The following PLCB4 variants were observed in gnomAD, a reference collection of about 807,000 sequenced individuals.
PLCB4 encodes 1-phosphatidylinositol 4,5-bisphosphate phosphodiesterase beta-4.
A neutral mutation model predicts 178.8 loss-of-function variants in PLCB4; 77 were observed. The ratio of observed to expected loss-of-function variants is 0.43; its 90% CI spans 0.36 to 0.52. The LOEUF is 0.52. PLCB4 is among the 20% of genes least tolerant of loss of function. The pLI, the probability that PLCB4 is intolerant of heterozygous loss-of-function variation, is 0.00. For missense variants in PLCB4, 1,024 were observed against 1,453.4 expected (o/e 0.70, Z 4.80); for synonymous variants, 496 against 490.8 (o/e 1.01, Z -0.14).
At chr20:9,432,960 T>C (rs2041527980) in intron 28 of PLCB4, among the ~76,000 whole-genome samples, 1 of 152,226 alleles carries the variant, frequency 6.6e-6, no homozygotes, top group Non-Finnish European at 1.5e-5. Flanking sequence ...AAAAGTAATG[T>C]TGGGAGCCAA....
intron 2 of PLCB4, among the ~76,000 whole-genome samples, chr20:9,140,982 T>C (rs957675978): frequency 2.0e-5 from 3 of 152,072 alleles, no homozygotes; most frequent in South Asian, 2.1e-4. Flanking sequence ...ACATAGTTTA[T>C]TGGGGACTGC....
chr20:9,432,838 A>G (rs982488806), intron 28 of PLCB4, among the ~76,000 whole-genome samples: 1 of 152,218 alleles, frequency 6.6e-6, no homozygotes, highest in Admixed American at 6.5e-5. Context: ...ATGAATTGGC[A>G]TCAGAGGAGT....
At chr20:9,404,664 G>C (rs547902685) in intron 20 of PLCB4, among the ~76,000 whole-genome samples, 1 of 150,454 alleles carries the variant, frequency 6.6e-6, no homozygotes, top group Non-Finnish European at 1.5e-5. Context: ...TAGTGTCTTA[G>C]TCAGTTGGTG....
chr20:9,087,706 G>T (rs976367317), intron 1 of PLCB4, among the ~76,000 whole-genome samples: 1 of 152,334 alleles, frequency 6.6e-6, no homozygotes, highest in South Asian at 2.1e-4. Flanking sequence ...AAGGGGCCAA[G>T]GCTATTGCAC....
chr20:9,132,776 A>G (rs1473452190), intron 2 of PLCB4, among the ~76,000 whole-genome samples: 2 of 152,182 alleles, frequency 1.3e-5, no homozygotes, highest in Non-Finnish European at 2.9e-5. Flanking sequence ...TTCTGCCTAT[A>G]CAATAGCTCC....
intron 7 of PLCB4, among the ~76,000 whole-genome samples, chr20:9,360,009 T>C (rs1156732658): frequency 1.3e-5 from 2 of 152,180 alleles, no homozygotes; most frequent in African/African-American, 2.4e-5. Context: ...TGAACGATAA[T>C]AGAAGGGGCC....
chr20:9,201,061 A>G (rs2093538250), intron 2 of PLCB4, among the ~76,000 whole-genome samples: 1 of 152,210 alleles, frequency 6.6e-6, no homozygotes, highest in South Asian at 2.1e-4. Context: ...CATATCATAT[A>G]TTTAGTTTTC....
chr20:9,103,293 A>G (rs2091245776), intron 2 of PLCB4, among the ~76,000 whole-genome samples: 1 of 152,210 alleles, frequency 6.6e-6, no homozygotes. Flanking sequence ...TATTTGCTAT[A>G]TTAAAAAGTA....
intron 2 of PLCB4, among the ~76,000 whole-genome samples, chr20:9,183,926 T>A (rs1306387680): frequency 5.3e-5 from 8 of 152,170 alleles, no homozygotes; most frequent in African/African-American, 1.9e-4. Flanking sequence ...GATTAATCTA[T>A]GAAGCTATTA....
At chr20:9,192,873 T>C (rs557367504) in intron 2 of PLCB4, among the ~76,000 whole-genome samples, 1 of 152,232 alleles carries the variant, frequency 6.6e-6, no homozygotes, top group East Asian at 2.0e-4. Context: ...CTTTATATGC[T>C]ATAGCTCAGG....
intron 7 of PLCB4, among the ~76,000 whole-genome samples, chr20:9,344,433 CA>C (rs2033587513): frequency 6.6e-6 from 1 of 152,214 alleles, no homozygotes; most frequent in South Asian, 2.1e-4. Flanking sequence ...TGCAGGACGG[CA>C]CTGTTCTGTT....
At chr20:9,346,057 T>TAAA (rs2033763740) in intron 7 of PLCB4, among the ~76,000 whole-genome samples, 1 of 152,210 alleles carries the variant, frequency 6.6e-6, no homozygotes, top group South Asian at 2.1e-4. Context: ...CCTCTACTGA[T>TAAA]ATTTAACCAC....
chr20:9,303,421 G>T (rs527608725), intron 3 of PLCB4, among the ~76,000 whole-genome samples: 2 of 152,124 alleles, frequency 1.3e-5, no homozygotes, highest in Admixed American at 6.5e-5. Flanking sequence ...CCACATGTAA[G>T]TGAGCACATG....
intron 2 of PLCB4, among the ~76,000 whole-genome samples, chr20:9,147,133 G>A (rs2092612226): frequency 6.6e-6 from 1 of 152,156 alleles, no homozygotes. Context: ...GGCTAGGGGA[G>A]AATCCGATTA....
chr20:9,171,816 G>A (rs533402328), intron 2 of PLCB4, among the ~76,000 whole-genome samples: 4 of 152,120 alleles, frequency 2.6e-5, no homozygotes, highest in African/African-American at 7.2e-5. Flanking sequence ...GGAGAATTGT[G>A]GGAAATAATG....
chr20:9,459,253 A>C (rs1200193335), intron 34 of PLCB4, among the ~76,000 whole-genome samples: 1 of 152,210 alleles, frequency 6.6e-6, no homozygotes, highest in Non-Finnish European at 1.5e-5. Flanking sequence ...CTGAGGCAGG[A>C]GAATCGCTTG....
intron 3 of PLCB4, among the ~76,000 whole-genome samples, chr20:9,282,956 A>T (rs1006528084): frequency 6.6e-6 from 1 of 152,014 alleles, no homozygotes; most frequent in Admixed American, 6.6e-5. Context: ...AGTACTTTTC[A>T]TGCCTCTGAT....
At chr20:9,433,025 A>C (rs2041533129) in intron 28 of PLCB4, among the ~76,000 whole-genome samples, 1 of 152,150 alleles carries the variant, frequency 6.6e-6, no homozygotes. Context: ...AGCAGTATGA[A>C]TGCAGAGATC....
chr20:9,085,921 G>C (rs2146539585), intron 1 of PLCB4, among the ~76,000 whole-genome samples: 1 of 152,284 alleles, frequency 6.6e-6, no homozygotes, highest in Middle Eastern at 3.4e-3. Context: ...TGAAAGTTGA[G>C]TTTACAGTCC....
Sources: gnomAD v4.1 joint callset for allele counts (sites outside exome capture counted in the v4.1 genomes callset) on GRCh38, gnomAD v4.1.1 for gene constraint, MANE v1.5 for transcripts, NCBI Gene and HGNC (gene_info 2026-07-23, HGNC 2026-07-21) for gene names.